ANTXR1: variants seen among roughly 807,000 people sequenced by gnomAD.
The protein encoded by ANTXR1 is ANTXR cell adhesion molecule 1, also known as anthrax toxin receptor 1.
A neutral mutation model predicts 78.1 loss-of-function variants in ANTXR1; 19 were observed. The ratio of observed to expected loss-of-function variants is 0.24; its 90% confidence interval spans 0.17 to 0.36. The LOEUF (loss-of-function observed/expected upper bound fraction) is 0.36. Ranked by LOEUF, ANTXR1 falls within the 10% of genes least tolerant of loss-of-function variation. ANTXR1 has a pLI of 1.00. For synonymous variants in ANTXR1, 273 were observed against 260.5 expected (o/e 1.05, Z -0.46); for missense variants, 518 against 718.6 (o/e 0.72, Z 3.19).
intron 17 of ANTXR1, among the ~76,000 whole-genome samples, chr2:69,194,174 A>T (rs956932400): frequency 6.6e-6 from 1 of 152,254 alleles, no homozygotes; most frequent in Non-Finnish European, 1.5e-5. Context: ...AGTAACTTAC[A>T]CTGGAAACAA....
chr2:69,019,980 T>C (rs905054330), intron 1 of ANTXR1, among the ~76,000 whole-genome samples: 2 of 152,234 alleles, frequency 1.3e-5, no homozygotes, highest in Non-Finnish European at 2.9e-5. Flanking sequence ...TAATTTATCA[T>C]TGATGTGCAT....
chr2:69,151,515 G>C (rs1673398088), intron 12 of ANTXR1, among the ~76,000 whole-genome samples: 1 of 152,050 alleles, frequency 6.6e-6, no homozygotes, highest in African/African-American at 2.4e-5. Flanking sequence ...GTCTAGGACT[G>C]GCCTCGCCAC....
chr2:69,078,535 G>T (rs890585845), intron 8 of ANTXR1, among the ~76,000 whole-genome samples: 1 of 152,194 alleles, frequency 6.6e-6, no homozygotes, highest in Admixed American at 6.5e-5. Context: ...TTCAGGGTTT[G>T]CTAGGAGCTC....
intron 10 of ANTXR1, among the ~76,000 whole-genome samples, chr2:69,116,004 C>T (rs1332974262): frequency 6.6e-6 from 1 of 152,218 alleles, no homozygotes; most frequent in African/African-American, 2.4e-5. Context: ...CACTGCCATC[C>T]ATTCCCATTC....
chr2:69,195,635 A>G (rs371429026), intron 17 of ANTXR1, among the ~76,000 whole-genome samples: 14 of 152,218 alleles, frequency 9.2e-5, no homozygotes, highest in South Asian at 4.1e-4. Flanking sequence ...TACAAACTCT[A>G]CAGTTAGGAG....
intron 8 of ANTXR1, among the ~76,000 whole-genome samples, chr2:69,083,060 C>A (rs762485911): frequency 6.6e-6 from 1 of 152,088 alleles, no homozygotes; most frequent in Non-Finnish European, 1.5e-5. Flanking sequence ...TTATGAAAAC[C>A]AGATCCTGTG....
At chr2:69,221,646 T>G (rs1675323843) in intron 17 of ANTXR1, among the ~76,000 whole-genome samples, 1 of 147,178 alleles carries the variant, frequency 6.8e-6, no homozygotes, top group Non-Finnish European at 1.5e-5. Flanking sequence ...TCTCAGTGAG[T>G]CAATTAAATT....
At chr2:69,190,584 G>C (rs1335678315) in intron 16 of ANTXR1, among the ~76,000 whole-genome samples, 1 of 152,166 alleles carries the variant, frequency 6.6e-6, no homozygotes, top group Non-Finnish European at 1.5e-5. Context: ...CTGTAGAGTA[G>C]ACAGTATTAT....
At chr2:69,052,923 A>G (rs541640008) in intron 3 of ANTXR1, among the ~76,000 whole-genome samples, 27 of 152,246 alleles carry the variant, frequency 1.8e-4, no homozygotes, top group African/African-American at 3.9e-4. Flanking sequence ...TCAATTGACA[A>G]TATCTTTCAT....
Position 69,143,855 on chromosome 2 carries a change from G to A in ANTXR1, c.952-8314G>A, listed in dbSNP as rs553703667. Among the ~76,000 whole-genome samples, 21 of 152,240 alleles carry A rather than the reference G, an allele frequency of 1.4e-4. No homozygotes were observed. The South Asian group carries it at 2.5e-3, about 18-fold the overall frequency. On this transcript the variant is annotated intron_variant, in intron 12 of 17. Transcript: ENST00000303714. ...GGAAAGGAACGGTCAGAGATAAGAG[G>A]GAGATTGGGAGAGTCACAGATGCCA... is the stretch of plus-strand genomic sequence containing the variant.
intron 5 of ANTXR1, among the ~76,000 whole-genome samples, chr2:69,072,250 A>T (rs10865376): frequency 0.58 from 87,725 of 152,076 alleles, 25,599 homozygotes; most frequent in African/African-American, 0.66. Flanking sequence ...CATAAAATAT[A>T]CTCAGTAGAG....
chr2:69,175,916 T>C (rs774351038), intron 14 of ANTXR1, among the ~76,000 whole-genome samples: 2 of 152,142 alleles, frequency 1.3e-5, no homozygotes, highest in Non-Finnish European at 2.9e-5. Flanking sequence ...TGGAAAATTA[T>C]ACAGGGCCAG....
intron 12 of ANTXR1, 30 bp from the exon 13 acceptor site, chr2:69,152,139 C>A: frequency 6.2e-7 from 1 of 1,608,840 alleles, no homozygotes; most frequent in Non-Finnish European, 8.5e-7. Context: ...TCCCATCCCG[C>A]TGCTGACCGC....
chr2:69,071,709 C>A, intron 4 of ANTXR1, 45 bp from the exon 5 acceptor site: 1 of 1,606,054 alleles, frequency 6.2e-7, no homozygotes. Flanking sequence ...TTTGGAGTGA[C>A]AAACAGTGGT....
At chr2:69,175,403 TCGAGACCAGCCTGGGTAACATAG>T (rs1396777040) in intron 14 of ANTXR1, among the ~76,000 whole-genome samples, 2 of 149,190 alleles carry the variant, frequency 1.3e-5, no homozygotes, top group African/African-American at 5.2e-5. Context: ...GGCCAGGAGT[TCGAGACCAGCCTGGGTAACATAG>T]GGAGACCGCC....
intron 10 of ANTXR1, among the ~76,000 whole-genome samples, chr2:69,104,979 T>C (rs1671757358): frequency 1.3e-5 from 2 of 152,118 alleles, no homozygotes; most frequent in South Asian, 4.1e-4. Flanking sequence ...CCAGCTACTC[T>C]GGAGCCTGAG....
At chr2:69,163,145 G>A (rs559866677) in intron 13 of ANTXR1, among the ~76,000 whole-genome samples, 1 of 152,158 alleles carries the variant, frequency 6.6e-6, no homozygotes, top group East Asian at 1.9e-4. Flanking sequence ...GTCTGATGCA[G>A]CACCGTGGCT....
At chr2:69,235,543 T>C (rs753095765) in intron 17 of ANTXR1, among the ~76,000 whole-genome samples, 1 of 150,834 alleles carries the variant, frequency 6.6e-6, no homozygotes, top group Non-Finnish European at 1.5e-5. Context: ...TCCCAGCTAC[T>C]TGGGAGGCTG....
chr2:69,140,310 C>A (rs1273003047), intron 12 of ANTXR1, among the ~76,000 whole-genome samples: 1 of 152,194 alleles, frequency 6.6e-6, no homozygotes, highest in East Asian at 1.9e-4. Context: ...AGATTTATAG[C>A]AAACTAGGAT....
Sources: gnomAD v4.1 joint callset for allele counts (sites outside exome capture counted in the v4.1 genomes callset) on GRCh38, gnomAD v4.1.1 for gene constraint, MANE v1.5 for transcripts, NCBI Gene and HGNC (gene_info 2026-07-23, HGNC 2026-07-21) for gene names.